ODF2L: variants seen among roughly 807,000 people sequenced by gnomAD.
ODF2L encodes protein BCAP.
In ODF2L, 76 loss-of-function variants were observed where a neutral mutation model predicts 86.3. That is an observed-to-expected ratio of 0.88 (90% confidence interval 0.73 to 1.07). The LOEUF is 1.07. Among genes scored for constraint, ODF2L ranks in the 50% least tolerant of loss-of-function variants. The pLI, the probability that ODF2L is intolerant of heterozygous loss-of-function variation, is 0.00. For missense variants in ODF2L, 748 were observed against 717.4 expected, an observed-to-expected ratio of 1.04 and a Z score of -0.49; for synonymous variants, 241 against 231.3, an observed-to-expected ratio of 1.04 and a Z score of -0.38.
At position 86,388,363 on chromosome 1, in the gene ODF2L, G is replaced by A. The variant is rs573189258; in HGVS notation, c.-59-1277C>T. 2.2e-4 allele frequency among the ~76,000 whole-genome samples: 33 copies of A among 152,162 alleles called. 1 individual carries two copies. In the East Asian group the frequency reaches 6.4e-3, roughly 29 times the overall value. The stretch of plus-strand genomic sequence containing the variant: ...TCTACTAATTCATTCAGTTGCAATA[G>A]CTATCCCCATACAGAAAGCAACTGG... On this transcript the variant is annotated intron_variant, in intron 1 of 17. Coordinates refer to ENST00000317336, the Ensembl canonical transcript of ODF2L.
At chr1:86,358,609 A>G (rs1251164429) in intron 13 of ODF2L, 178 bp downstream of exon 12, 1 of 314,944 alleles carries the variant, frequency 3.2e-6, no homozygotes, top group African/African-American at 2.2e-5. Context: ...CACATAAACA[A>G]ACAACATTTC....
At chr1:86,383,271 C>A in intron 4 of ODF2L, 75 bp from the exon 5 acceptor site, 1 of 672,282 alleles carries the variant, frequency 1.5e-6, no homozygotes, top group South Asian at 2.2e-5. Flanking sequence ...GTGAAATAAG[C>A]ACTACTCAAT....
At chr1:86,371,608 A>C (rs2101033242) in intron 9 of ODF2L, among the ~76,000 whole-genome samples, 1 of 152,298 alleles carries the variant, frequency 6.6e-6, no homozygotes, top group South Asian at 2.1e-4. Flanking sequence ...AAAACACTTA[A>C]AATCAAATAT....
chr1:86,374,527 A>G (rs1322531976), intron 8 of ODF2L, among the ~76,000 whole-genome samples: 1 of 152,148 alleles, frequency 6.6e-6, no homozygotes, highest in Non-Finnish European at 1.5e-5. Context: ...AAAGAAGGAA[A>G]TGGGTTAATT....
At chr1:86,364,001 C>G (rs1453421469) in intron 11 of ODF2L, among the ~76,000 whole-genome samples, 2 of 151,916 alleles carry the variant, frequency 1.3e-5, no homozygotes, top group African/African-American at 2.4e-5. Flanking sequence ...ATAACATGTG[C>G]CAAACTTATT....
intron 12 of ODF2L, 35 bp from the exon 12 acceptor site, chr1:86,358,926 T>C (rs750699881): frequency 9.8e-7 from 1 of 1,019,930 alleles, no homozygotes; most frequent in Non-Finnish European, 1.4e-6. Flanking sequence ...ATATTATTTT[T>C]AGAATCATAA....
At chr1:86,354,993 C>G in intron 14 of ODF2L, 134 bp from the exon 14 acceptor site, 1 of 568,172 alleles carries the variant, frequency 1.8e-6, no homozygotes, top group South Asian at 2.5e-5. Flanking sequence ...CAGAAAGACA[C>G]CAAGAAAATG....
chr1:86,391,573 G>A (rs1029784336), intron 1 of ODF2L, among the ~76,000 whole-genome samples: 1 of 152,064 alleles, frequency 6.6e-6, no homozygotes, highest in African/African-American at 2.4e-5. Flanking sequence ...CATAAAGTGG[G>A]GAAAAGACAC....
intron 7 of ODF2L, among the ~76,000 whole-genome samples, chr1:86,378,872 C>T (rs1660366682): frequency 6.6e-6 from 1 of 151,156 alleles, no homozygotes; most frequent in Non-Finnish European, 1.5e-5. Context: ...GATCTGTGTC[C>T]CTACCCAAAT....
intron 1 of ODF2L, among the ~76,000 whole-genome samples, chr1:86,388,450 AAG>A (rs1661093949): frequency 6.6e-6 from 1 of 152,076 alleles, no homozygotes; most frequent in Admixed American, 6.5e-5. Flanking sequence ...CTGGAATCTC[AAG>A]AAAGAATGTC....
chr1:86,350,255 C>A (rs529783612), exon 18 of ODF2L: 1 of 152,244 alleles, frequency 6.6e-6, no homozygotes, highest in African/African-American at 2.4e-5. Context: ...CCTCCCCTAG[C>A]CCCCCACGCC....
chr1:86,357,613 A>AC (rs1412871343), intron 13 of ODF2L: 2 of 215,008 alleles, frequency 9.3e-6, no homozygotes, highest in East Asian at 1.7e-4. Context: ...GAAAAAAAAA[A>AC]AACAGACTGA....
At chr1:86,392,747 A>G (rs1413955614) in intron 1 of ODF2L, among the ~76,000 whole-genome samples, 2 of 152,188 alleles carry the variant, frequency 1.3e-5, no homozygotes, top group Middle Eastern at 6.3e-3. Flanking sequence ...CCAAAATCTC[A>G]CAAATCACCA....
In ODF2L at chr1:86,352,322, T is replaced by C. The variant is rs547151476; in HGVS notation, c.1894-114A>G. The C allele has an allele frequency of 8.2e-5, 101 of 1,228,684 alleles. No individual in the cohort carries two copies. The Admixed American group carries it at 1.2e-3, about 15-fold the overall frequency. 76.1% of individuals were successfully genotyped at this position (1,228,684 alleles called of 1,614,324 possible). ...GAATATTCTATGCCAATTGACTGTT[T>C]CATGAGTATTCAGGAAAAAAAACAG... On this transcript the variant is annotated intron_variant, in intron 17 of 17. Coordinates refer to ENST00000317336, the Ensembl canonical transcript of ODF2L.
chr1:86,348,584 AAGTTTC>A, downstream of ODF2L: 1 of 515,546 alleles, frequency 1.9e-6, no homozygotes, highest in South Asian at 6.5e-5. Flanking sequence ...TCCTATTTTA[AAGTTTC>A]AGTTAGATAA....
At chr1:86,373,989 T>G (rs1325284974) in intron 8 of ODF2L, among the ~76,000 whole-genome samples, 2 of 152,180 alleles carry the variant, frequency 1.3e-5, no homozygotes, top group Non-Finnish European at 2.9e-5. Flanking sequence ...CAGATCCACC[T>G]AAAGAGCTGT....
At chr1:86,387,573 C>T (rs1039302856) in intron 1 of ODF2L, among the ~76,000 whole-genome samples, 1 of 152,296 alleles carries the variant, frequency 6.6e-6, no homozygotes, top group East Asian at 1.9e-4. Context: ...AAATTAAATT[C>T]ACTTACTTCT....
intron 16 of ODF2L, 92 bp from the exon 16 acceptor site, chr1:86,353,076 G>T: frequency 1.3e-6 from 1 of 792,740 alleles, no homozygotes; most frequent in Non-Finnish European, 2.0e-6. Flanking sequence ...TTTCTAAACA[G>T]ATATTACTTG....
chr1:86,383,911 T>C (rs1265237872), intron 4 of ODF2L, among the ~76,000 whole-genome samples: 1 of 151,714 alleles, frequency 6.6e-6, no homozygotes, highest in African/African-American at 2.4e-5. Context: ...ACAAAGATAG[T>C]AGTTTTACTC....
Sources: gnomAD v4.1 joint callset for allele counts (sites outside exome capture counted in the v4.1 genomes callset) on GRCh38, gnomAD v4.1.1 for gene constraint, MANE v1.5 for transcripts, NCBI Gene and HGNC (gene_info 2026-07-23, HGNC 2026-07-21) for gene names.